The following CWF19L1 variants were observed in gnomAD, a reference collection of about 807,000 sequenced individuals.
The protein encoded by CWF19L1 is CWF19 like cell cycle control factor 1, also known as CWF19-like protein 1.
In CWF19L1, 60 loss-of-function variants were observed where a neutral mutation model predicts 69.7. That is an observed-to-expected ratio of 0.86 (90% CI 0.70 to 1.07). The LOEUF (loss-of-function observed/expected upper bound fraction) is 1.07, where lower values mean the gene tolerates loss of function less well. Among genes scored for constraint, CWF19L1 ranks in the 50% least tolerant of loss-of-function variants. The probability of loss-of-function intolerance (pLI) is 0.00; values close to 1 mark genes in which losing one functional copy is unlikely to be tolerated. For synonymous variants in CWF19L1, 209 were observed against 222.2 expected (o/e 0.94, Z 0.53); for missense variants, 591 against 638.9 (o/e 0.92, Z 0.81).
At chr10:100,243,931 C>CT (rs1448481433) in intron 9 of CWF19L1, among the ~76,000 whole-genome samples, 154 bp from the exon 10 acceptor site, 1 of 152,224 alleles carries the variant, frequency 6.6e-6, no homozygotes, top group Non-Finnish European at 1.5e-5. Context: ...CACTACGACC[C>CT]CCTATGAACA....
At chr10:100,247,040 TAA>T in intron 7 of CWF19L1, 105 bp from the exon 8 acceptor site, 2 of 1,094,426 alleles carry the variant, frequency 1.8e-6, no homozygotes, top group Non-Finnish European at 2.5e-6. Context: ...TGAAACTCAG[TAA>T]AATTAAAAGA....
intron 1 of CWF19L1, among the ~76,000 whole-genome samples, chr10:100,265,773 G>A (rs989736534): frequency 2.6e-5 from 4 of 151,836 alleles, no homozygotes; most frequent in South Asian, 2.1e-4. Context: ...CACCCACCTC[G>A]GCCTCCCAAA....
At chr10:100,244,410 C>T (rs1288480742) in intron 9 of CWF19L1, among the ~76,000 whole-genome samples, 1 of 152,196 alleles carries the variant, frequency 6.6e-6, no homozygotes, top group Non-Finnish European at 1.5e-5. Flanking sequence ...GGGTGGAGTA[C>T]AGTGGCGCGA....
At chr10:100,241,781 C>T (rs1468395684) in intron 10 of CWF19L1, among the ~76,000 whole-genome samples, 8 of 152,174 alleles carry the variant, frequency 5.3e-5, no homozygotes, top group Admixed American at 5.2e-4. Flanking sequence ...AACAAAGCCA[C>T]TCTCATGATA....
At chr10:100,262,545 G>A in intron 1 of CWF19L1, 1 of 819,282 alleles carries the variant, frequency 1.2e-6, no homozygotes. Flanking sequence ...AATATGCCAA[G>A]TATACTATGC....
At chr10:100,233,546 A>G (rs1032254537) in intron 13 of CWF19L1, 175 bp from the exon 14 acceptor site, 12 of 487,030 alleles carry the variant, frequency 2.5e-5, no homozygotes, top group African/African-American at 1.2e-4. Context: ...CAGGTACTAT[A>G]TATTTCCTGA....
At chr10:100,252,386 G>C (rs1236392382) in intron 6 of CWF19L1, among the ~76,000 whole-genome samples, 2 of 151,670 alleles carry the variant, frequency 1.3e-5, no homozygotes, top group African/African-American at 4.9e-5. Flanking sequence ...AGTGAGCCGA[G>C]ATCATGCCAT....
Position 100,256,274 on chromosome 10 carries a change from A to G in CWF19L1, c.492T>C (p.Phe164=), listed in dbSNP as rs780246849. The change falls in exon 5 of 14, where the codon TTT becomes TTC. Residue 164 remains phenylalanine (F), a synonymous_variant. Coordinates refer to ENST00000354105, the MANE Select transcript of CWF19L1 (RefSeq NM_018294.6). ...TSPWPKCVGN[F]GNSSGEVDTK... Reference sequence around the variant, plus strand: ...AAACACTACTCACAGAAGAATTCCCAAAGTTCCCCACACACTTGGGCCATG... The same window carrying G: ...AAACACTACTCACAGAAGAATTCCCGAAGTTCCCCACACACTTGGGCCATG... 2 of 1,613,942 alleles carry G rather than the reference A, an allele frequency of 1.2e-6. No individual in the cohort carries two copies. The highest frequency in any genetic ancestry group is 2.2e-5 in the South Asian group (2 of 91,082).
At chr10:100,259,649 C>T (rs950652339) in intron 4 of CWF19L1, among the ~76,000 whole-genome samples, 5 of 151,966 alleles carry the variant, frequency 3.3e-5, no homozygotes, top group Admixed American at 1.3e-4. Flanking sequence ...AAGTGTGTAC[C>T]GGGTTGTGGG....
chr10:100,240,133 TA>T (rs1405098245), intron 10 of CWF19L1, among the ~76,000 whole-genome samples: 1 of 152,188 alleles, frequency 6.6e-6, no homozygotes, highest in Non-Finnish European at 1.5e-5. Flanking sequence ...TCTCACCTTC[TA>T]ATCTGTTCTA....
intron 6 of CWF19L1, among the ~76,000 whole-genome samples, chr10:100,251,394 C>T (rs1847023701): frequency 6.6e-6 from 1 of 151,990 alleles, no homozygotes. Flanking sequence ...TATGTATTTG[C>T]CTTTTTGACT....
intron 5 of CWF19L1, among the ~76,000 whole-genome samples, chr10:100,255,860 G>A (rs1049532561): frequency 4.0e-5 from 6 of 151,764 alleles, no homozygotes; most frequent in Admixed American, 6.6e-5. Context: ...AACCCGGGAG[G>A]AGGAGGTTGC....
chr10:100,233,190 CT>C lies in CWF19L1; in HGVS notation c.*36del. The C allele has an allele frequency of 6.8e-7, 1 of 1,481,164 alleles. No individual in the cohort carries two copies. 91.8% of individuals were successfully genotyped at this position (1,481,164 alleles called of 1,614,324 possible). ...TTAAAAAAAAAAAAAAGCTTTACTA[CT>C]TCCTGTGGAGTTCATAAAAAGTTCT... On this transcript the variant is annotated 3_prime_UTR_variant, in exon 14 of 14. Transcript: ENST00000354105.
At position 100,250,281 on chromosome 10, in the gene CWF19L1, AGCTATAAACCGGGTG is replaced by A. The variant is rs1299226550; in HGVS notation, c.660_674del (p.Thr221_Ala225del). 5.0e-6 allele frequency: 8 copies of A among 1,612,726 alleles called. No individual in the cohort carries two copies. In the African/African-American group the frequency reaches 1.1e-4, roughly 22 times the overall value. Reference sequence around the variant, plus strand: ...TTTCTGGATTTCCAACATTTGCCAGAGCTATAAACCGGGTGGCATGCTGTGCATTTTCCTGTAGAA... The same window carrying A: ...TTTCTGGATTTCCAACATTTGCCAGAGCATGCTGTGCATTTTCCTGTAGAA... On this transcript the variant is annotated inframe_deletion, in exon 7 of 14. Transcript: ENST00000354105.
chr10:100,259,963 G>A (rs1218558570), intron 4 of CWF19L1, among the ~76,000 whole-genome samples: 2 of 152,106 alleles, frequency 1.3e-5, no homozygotes, highest in South Asian at 2.1e-4. Context: ...TAAGGAGATC[G>A]AGATGATCCT....
chr10:100,260,306 T>A lies in CWF19L1; in HGVS notation c.201A>T (p.Thr67=), dbSNP rs373832407. The A allele has an allele frequency of 1.2e-6, 2 of 1,604,942 alleles. No individual in the cohort carries two copies. Among genetic ancestry groups the A allele is most frequent in the Non-Finnish European group, 1.7e-6 (2 of 1,172,252 alleles). The stretch of plus-strand genomic sequence containing the variant: ...CCTGGTTATTAGCACCAAGCACATA[T>A]GTCTGAATAGGAGCTAGTGAGGGAA... The part of the protein sequence containing the change: ...KTGIKKAPIQ[T]YVLGANNQET... The change falls in exon 4 of 14, where the codon ACA becomes ACT. Residue 67 remains threonine, a synonymous_variant. Transcript: ENST00000354105.
In CWF19L1 at chr10:100,233,140, T is replaced by A. The variant is rs943041078; in HGVS notation, c.*87A>T. ...TCCTGCTTGGGTGACAGAGCGAGAC[T>A]TTGTCTCAAAAAAAATTCTTTTAAT... On this transcript the variant is annotated 3_prime_UTR_variant, in exon 14 of 14. Coordinates refer to ENST00000354105, the MANE Select transcript of CWF19L1 (RefSeq NM_018294.6). The A allele has an allele frequency of 1.2e-5, 16 of 1,370,160 alleles. No individual in the cohort carries two copies. Among genetic ancestry groups the A allele is most frequent in the Non-Finnish European group, 1.5e-5 (15 of 1,021,992 alleles). 84.9% of individuals were successfully genotyped at this position (1,370,160 alleles called of 1,614,324 possible).
chr10:100,264,413 C>T (rs1452752211), intron 1 of CWF19L1, among the ~76,000 whole-genome samples: 2 of 151,850 alleles, frequency 1.3e-5, no homozygotes, highest in South Asian at 2.1e-4. Flanking sequence ...GGCGTGGTGG[C>T]GGGCGCCTGT....
At position 100,241,411 on chromosome 10, in the gene CWF19L1, C is replaced by G. The variant is rs74541271; in HGVS notation, c.1044+2287G>C. ...TAAAGTGTAAGATGAAATTGAGACT[C>G]TAGTCAGTCTACAGGAAGGAAGACA... On this transcript the variant is annotated intron_variant, in intron 10 of 13. Transcript: ENST00000354105. Among the ~76,000 whole-genome samples the G allele has an allele frequency of 2.3e-3, 347 of 152,244 alleles. 1 individual carries two copies. Among genetic ancestry groups the G allele is most frequent in the African/African-American group, 7.6e-3 (317 of 41,542 alleles).
Sources: gnomAD v4.1 joint callset for allele counts (sites outside exome capture counted in the v4.1 genomes callset) on GRCh38, gnomAD v4.1.1 for gene constraint, MANE v1.5 for transcripts, NCBI Gene and HGNC (gene_info 2026-07-23, HGNC 2026-07-21) for gene names.